ZNF397: variants seen among roughly 807,000 people sequenced by gnomAD.
The protein encoded by ZNF397 is zinc finger protein 397.
ZNF397 carries 38 observed loss-of-function variants against 50.6 expected under a neutral mutation model. The observed-to-expected ratio is 0.75, with a 90% CI of 0.58 to 0.98. The LOEUF is 0.98. Among genes scored for constraint, ZNF397 ranks in the 50% least tolerant of loss-of-function variants. ZNF397 has a pLI of 0.00. For missense variants in ZNF397, 624 were observed against 624.1 expected, an observed-to-expected ratio of 1.00 and a Z score of 0.00; for synonymous variants, 228 against 215.2, an observed-to-expected ratio of 1.06 and a Z score of -0.52.
At position 35,245,967 on chromosome 18, in the gene ZNF397, G is replaced by A. The variant is rs1368270053; in HGVS notation, c.1262G>A (p.Gly421Glu). The change falls in exon 4 of 4, where the codon GGA becomes GAA. Residue 421 changes from glycine (G) to glutamate (E), a missense_variant. Gly to Glu is a moderately conservative substitution (Grantham distance 98). Transcript: ENST00000330501. ...KLIRHQRIHT[G>E]ERPYECNECG... ...ATTAGACATCAGCGAATTCACACAG[G>A]AGAGAGACCCTATGAATGTAATGAA... The A allele has an allele frequency of 6.3e-7, 1 of 1,582,844 alleles. No individual in the cohort carries two copies. Among genetic ancestry groups the A allele is most frequent in the Non-Finnish European group, 8.6e-7 (1 of 1,164,260 alleles).
rs966653131 is a variant in ZNF397, at chr18:35,248,903, T to C, written c.*2593T>C. On this transcript the variant is annotated 3_prime_UTR_variant, in exon 4 of 4. Coordinates refer to ENST00000330501, the MANE Select transcript of ZNF397 (RefSeq NM_001135178.3). ...TTGCTAAGGGCTTTGTATATACTTATTATTGTTATTTCTCAGCACGTATGT... is the reference window on the plus strand; with the variant it reads ...TTGCTAAGGGCTTTGTATATACTTACTATTGTTATTTCTCAGCACGTATGT... 6.6e-6 allele frequency: 1 copy of C among 152,160 alleles called. No homozygotes were observed. Among genetic ancestry groups the C allele is most frequent in the African/African-American group, 2.4e-5 (1 of 41,430 alleles). The allele number at this position is 152,160 out of a possible 1,614,324, so 9.4% of individuals were successfully genotyped here.
chr18:35,252,902 AG>A (rs2043648189), downstream of ZNF397: 1 of 153,174 alleles, frequency 6.5e-6, no homozygotes, highest in South Asian at 2.1e-4. Flanking sequence ...ACAACTGGCA[AG>A]GGGGCAGAAT....
chr18:35,242,424 A>G lies in ZNF397; in HGVS notation c.-47A>G. ...AGATTACTCACACTCCTTCGCAAGC[A>G]CAGAACCAGTTGTACTGAGCTTTTT... On this transcript the variant is annotated 5_prime_UTR_variant, in exon 2 of 4. Transcript: ENST00000330501. 1 of 1,555,936 alleles carries G rather than the reference A, an allele frequency of 6.4e-7. No individual in the cohort carries two copies. The highest frequency in any genetic ancestry group is 8.7e-7 in the Non-Finnish European group (1 of 1,148,584).
At chr18:35,257,642 G>A in intron 5 of ZNF397, 1 of 443,978 alleles carries the variant, frequency 2.3e-6, no homozygotes, top group South Asian at 3.6e-5. Flanking sequence ...TCAGTTGATG[G>A]TATTTTGTTA....
chr18:35,253,594 T>C, downstream of ZNF397: 5 of 1,614,092 alleles, frequency 3.1e-6, no homozygotes, highest in Non-Finnish European at 4.2e-6. Flanking sequence ...TGAAGGATTT[T>C]CCACATTCAT....
At position 35,246,161 on chromosome 18, in the gene ZNF397, T is replaced by C; in HGVS notation, c.1456T>C (p.Cys486Arg). The C allele has an allele frequency of 1.3e-6, 2 of 1,551,330 alleles. No homozygotes were observed. Among genetic ancestry groups the C allele is most frequent in the East Asian group, 2.4e-5 (1 of 40,908 alleles). The change falls in exon 4 of 4, where the codon TGT (cysteine) becomes CGT (arginine). Residue 486 changes from cysteine to arginine, a missense_variant. By Grantham distance (180) the Cys-to-Arg change is radical. Transcript: ENST00000330501. Reference sequence around the variant, plus strand: ...GGAGGAACCTTATCAGTGTAATGAATGTGGCAAAACTTTCAAAAGGAGCTC... The same window carrying C: ...GGAGGAACCTTATCAGTGTAATGAACGTGGCAAAACTTTCAAAAGGAGCTC... ...SGEEPYQCNECGKTFKRSSAL... is the reference protein window; with the variant it reads ...SGEEPYQCNERGKTFKRSSAL...
rs1380993582 is a variant in ZNF397 at position 35,245,247 on chromosome 18, T to C, written c.557-15T>C. ...AGAAATGTAATATCTGTTTTTTTGC[T>C]ACTTATTGTTTCAGATTGTGAGAAC... On this transcript the variant is annotated splice_polypyrimidine_tract_variant and intron_variant, in intron 3 of 3. Transcript: ENST00000330501. 3 of 1,565,936 alleles carry C rather than the reference T, an allele frequency of 1.9e-6. No homozygotes were observed. Among genetic ancestry groups the C allele is most frequent in the East Asian group, 2.3e-5 (1 of 44,176 alleles).
At chr18:35,241,495 A>T (rs1912494198) in intron 1 of ZNF397, 2 of 152,264 alleles carry the variant, frequency 1.3e-5, no homozygotes. Flanking sequence ...AACTAAGGGC[A>T]TACATTCCTA....
chr18:35,250,890 C>T (rs1383808795), downstream of ZNF397, among the ~76,000 whole-genome samples: 1 of 152,200 alleles, frequency 6.6e-6, no homozygotes, highest in Non-Finnish European at 1.5e-5. Context: ...TGGTTAACTG[C>T]AGCCCCAGAG....
chr18:35,243,793 A>C (rs62096496), intron 3 of ZNF397: 64,369 of 205,166 alleles, frequency 0.31, 11,092 homozygotes, highest in Non-Finnish European at 0.38. Flanking sequence ...AGCCCAAGTA[A>C]AGGCCATACC....
downstream of ZNF397, chr18:35,254,271 G>A: frequency 6.2e-7 from 1 of 1,614,048 alleles, no homozygotes; most frequent in South Asian, 1.1e-5. Context: ...GCTATCCGTT[G>A]GGAATGTGTT....
Position 35,255,640 on chromosome 18 carries a change from T to A in ZNF397, c.817+1238T>A, listed in dbSNP as rs77233655. 595 of 154,440 alleles carry A rather than the reference T, an allele frequency of 3.9e-3. 1 individual carries two copies. Among genetic ancestry groups the A allele is most frequent in the Non-Finnish European group, 6.7e-3 (457 of 68,188 alleles). 9.6% of individuals were successfully genotyped at this position (154,440 alleles called of 1,614,324 possible). A position where few individuals can be genotyped will look rare whatever the true frequency, so the allele number is the denominator to read the frequency against. The stretch of plus-strand genomic sequence containing the variant: ...AAAGCATTATGCTTTTATATAAAAA[T>A]GAATACCTATTTCTGATATTAAGTT... On this transcript the variant is annotated intron_variant, in intron 5 of 5. Transcript: ENST00000261333.
rs773451289 is a variant in ZNF397 at position 35,245,865 on chromosome 18, A to G, written c.1160A>G (p.His387Arg). 2.6e-6 allele frequency: 4 copies of G among 1,555,058 alleles called. No individual in the cohort carries two copies. The highest frequency in any genetic ancestry group is 2.4e-5 in the South Asian group (2 of 84,282). The change falls in exon 4 of 4, where the codon CAT (histidine) becomes CGT (arginine). Residue 387 changes from histidine to arginine, a missense_variant. His to Arg is a conservative substitution (Grantham distance 29, BLOSUM62 0). Transcript: ENST00000330501. ...AGTCAAAGTTCATATCTCATTATAC[A>G]TCAAAGAATTCACACTGGTGAGAAA... The part of the protein sequence containing the change: ...AFSQSSYLII[H>R]QRIHTGEKPY...
rs1421309731 is a variant in ZNF397 at position 35,248,584 on chromosome 18, T to C, written c.*2274T>C. 6.6e-6 allele frequency: 1 copy of C among 152,242 alleles called. No homozygotes were observed. The highest frequency in any genetic ancestry group is 6.5e-5 in the Admixed American group (1 of 15,286). 9.4% of individuals were successfully genotyped at this position (152,242 alleles called of 1,614,324 possible). Reference sequence around the variant, plus strand: ...GACCAAGCACAGTGGCTCACACCTATAATGCCAGCACTTTGGGAGGCCAAG... The same window carrying C: ...GACCAAGCACAGTGGCTCACACCTACAATGCCAGCACTTTGGGAGGCCAAG... On this transcript the variant is annotated 3_prime_UTR_variant, in exon 4 of 4. Coordinates refer to ENST00000330501, the MANE Select transcript of ZNF397 (RefSeq NM_001135178.3).
At chr18:35,257,549 TACCAAA>T (rs2043876390) in intron 5 of ZNF397, 2 of 236,358 alleles carry the variant, frequency 8.5e-6, no homozygotes, top group South Asian at 1.4e-4. Flanking sequence ...AGTGGGACCT[TACCAAA>T]TACAAAATCT....
chr18:35,245,000 A>G (rs1912828846), intron 3 of ZNF397, among the ~76,000 whole-genome samples: 1 of 152,192 alleles, frequency 6.6e-6, no homozygotes, highest in Non-Finnish European at 1.5e-5. Context: ...ATCAGTTGAG[A>G]AAGAGATTGT....
chr18:35,246,111 T>A lies in ZNF397; in HGVS notation c.1406T>A (p.Ile469Asn). 6.4e-7 allele frequency: 1 copy of A among 1,552,768 alleles called. No individual in the cohort carries two copies. Among genetic ancestry groups the A allele is most frequent in the East Asian group, 2.4e-5 (1 of 40,936 alleles). Residue 469 changes from isoleucine (I) to asparagine (N), a missense_variant, in exon 4 of 4, where the codon ATC (isoleucine) becomes AAC (asparagine). Transcript: ENST00000330501. ...GKAFSLSSNL[I>N]RHQRIHSGEE... Reference sequence around the variant, plus strand: ...GCTTTCAGTTTGAGCTCAAACCTTATCAGACATCAGAGAATTCATAGTGGG... The same window carrying A: ...GCTTTCAGTTTGAGCTCAAACCTTAACAGACATCAGAGAATTCATAGTGGG...
downstream of ZNF397, chr18:35,252,142 T>C (rs1275786498): frequency 6.6e-6 from 1 of 152,220 alleles, no homozygotes; most frequent in Non-Finnish European, 1.5e-5. Flanking sequence ...CATGTGTTGC[T>C]TTTCCTCTTC....
At chr18:35,254,619 G>C (rs1168749278), downstream of ZNF397, 4 of 648,490 alleles carry the variant, frequency 6.2e-6, no homozygotes, top group Non-Finnish European at 1.0e-5. Flanking sequence ...GGTGAACAAG[G>C]AAAGACATTA....
Sources: allele counts gnomAD v4.1 joint callset (sites outside exome capture counted in the v4.1 genomes callset), GRCh38; gene constraint gnomAD v4.1.1; transcripts MANE v1.5; gene names NCBI Gene and HGNC (gene_info 2026-07-23, HGNC 2026-07-21).